PDE4D: variants seen among roughly 807,000 people sequenced by gnomAD.
PDE4D encodes the protein phosphodiesterase 4D.
Under a neutral mutation model 87.4 loss-of-function variants are expected in PDE4D, and 24 were observed. That is an observed-to-expected ratio of 0.27 (90% CI 0.20 to 0.39). The LOEUF is 0.39. Ranked by LOEUF, PDE4D falls within the 10% of genes least tolerant of loss-of-function variation. PDE4D has a pLI of 1.00. For missense variants in PDE4D, 714 were observed against 1,041.0 expected (o/e 0.69, Z 4.32); for synonymous variants, 384 against 383.2 (o/e 1.00, Z -0.02).
chr5:59,393,710 G>A (rs1364662183), intron 1 of PDE4D, among the ~76,000 whole-genome samples: 1 of 152,142 alleles, frequency 6.6e-6, no homozygotes, highest in Admixed American at 6.5e-5. Flanking sequence ...TGGTTTTTAG[G>A]ACAATAATTT....
intron 1 of PDE4D, among the ~76,000 whole-genome samples, chr5:60,361,867 C>T (rs1362949034): frequency 2.0e-5 from 3 of 152,104 alleles, no homozygotes; most frequent in African/African-American, 7.2e-5. Context: ...TCTTAGTCCA[C>T]AGTAATTGAT....
At chr5:60,149,888 A>G (rs1781347774) in intron 2 of PDE4D, among the ~76,000 whole-genome samples, 1 of 147,502 alleles carries the variant, frequency 6.8e-6, no homozygotes, top group South Asian at 2.1e-4. Context: ...TATAACAAGT[A>G]CATATTATAT....
chr5:59,512,364 G>A (rs897345634), intron 1 of PDE4D, among the ~76,000 whole-genome samples: 1 of 152,116 alleles, frequency 6.6e-6, no homozygotes, highest in Non-Finnish European at 1.5e-5. Context: ...CATGTCTAAT[G>A]CAGAATCACT....
intron 3 of PDE4D, among the ~76,000 whole-genome samples, chr5:59,981,333 A>C (rs1761912670): frequency 6.6e-6 from 1 of 152,216 alleles, no homozygotes; most frequent in African/African-American, 2.4e-5. Flanking sequence ...ATTAAATCAG[A>C]ACAATGCTTT....
chr5:59,962,776 T>C (rs1021197698), intron 3 of PDE4D, among the ~76,000 whole-genome samples: 1 of 152,192 alleles, frequency 6.6e-6, no homozygotes, highest in Admixed American at 6.5e-5. Context: ...AATGTTATGA[T>C]TTATAATATT....
chr5:59,630,312 T>C (rs1831402622), intron 1 of PDE4D, among the ~76,000 whole-genome samples: 2 of 152,204 alleles, frequency 1.3e-5, no homozygotes, highest in Admixed American at 1.3e-4. Flanking sequence ...GTATTTTACG[T>C]GTCCAGCCTG....
chr5:59,455,576 T>C (rs999705647), intron 1 of PDE4D, among the ~76,000 whole-genome samples: 2 of 152,054 alleles, frequency 1.3e-5, no homozygotes, highest in Admixed American at 6.5e-5. Context: ...AAATGTGGGG[T>C]TGGAGCCCCC....
intron 1 of PDE4D, among the ~76,000 whole-genome samples, chr5:59,357,302 A>T (rs1476738548): frequency 6.6e-6 from 1 of 152,230 alleles, no homozygotes; most frequent in Non-Finnish European, 1.5e-5. Context: ...AAAAATTTTA[A>T]AAAATACATG....
At chr5:59,626,190 T>C (rs1319901840) in intron 1 of PDE4D, among the ~76,000 whole-genome samples, 1 of 152,226 alleles carries the variant, frequency 6.6e-6, no homozygotes, top group African/African-American at 2.4e-5. Context: ...AAAATAACAG[T>C]TGGCCTCTGA....
chr5:59,140,054 G>C (rs1314959381), intron 5 of PDE4D, among the ~76,000 whole-genome samples: 23 of 152,202 alleles, frequency 1.5e-4, no homozygotes, highest in Non-Finnish European at 3.4e-4. Flanking sequence ...CCACCTAAGA[G>C]AGGAGTAGGA....
chr5:59,406,794 G>T (rs1791745878), intron 1 of PDE4D, among the ~76,000 whole-genome samples: 1 of 151,982 alleles, frequency 6.6e-6, no homozygotes, highest in Non-Finnish European at 1.5e-5. Context: ...GTATCCTTTT[G>T]TTTCATTAAT....
At chr5:60,254,026 GT>G (rs1026124042) in intron 1 of PDE4D, among the ~76,000 whole-genome samples, 1 of 151,930 alleles carries the variant, frequency 6.6e-6, no homozygotes, top group African/African-American at 2.4e-5. Context: ...TTAGAAGAGA[GT>G]ATCTTAGATA....
chr5:59,031,382 TATATATATATTA>T (rs1207699542), intron 6 of PDE4D, among the ~76,000 whole-genome samples: 11,234 of 37,334 alleles, frequency 0.3, 589 homozygotes, highest in South Asian at 0.35. Flanking sequence ...TATATATATA[TATATATATATTA>T]TATATATATA....
At chr5:59,907,665 T>G (rs1752987439) in intron 3 of PDE4D, among the ~76,000 whole-genome samples, 3 of 152,116 alleles carry the variant, frequency 2.0e-5, no homozygotes, top group South Asian at 4.1e-4. Context: ...AATAACATTC[T>G]CTCTGCGTTT....
chr5:59,283,689 T>C (rs1766289590), intron 1 of PDE4D, among the ~76,000 whole-genome samples: 1 of 152,152 alleles, frequency 6.6e-6, no homozygotes, highest in African/African-American at 2.4e-5. Flanking sequence ...CTAAGTATAT[T>C]TCCTACTCTG....
intron 1 of PDE4D, among the ~76,000 whole-genome samples, chr5:60,264,046 G>A (rs936004751): frequency 6.6e-6 from 1 of 151,488 alleles, no homozygotes; most frequent in Non-Finnish European, 1.5e-5. Context: ...TTCTGAAAAG[G>A]AGACAAAAAG....
At chr5:59,136,929 C>T (rs1357072388) in intron 5 of PDE4D, among the ~76,000 whole-genome samples, 1 of 152,182 alleles carries the variant, frequency 6.6e-6, no homozygotes, top group Non-Finnish European at 1.5e-5. Context: ...GGGTGACCAA[C>T]TTGTCCTAAT....
At chr5:60,345,807 A>C (rs1561145332) in intron 1 of PDE4D, among the ~76,000 whole-genome samples, 1 of 152,136 alleles carries the variant, frequency 6.6e-6, no homozygotes, top group Non-Finnish European at 1.5e-5. Context: ...TTCCTAAAAT[A>C]GGATAAATTT....
At chr5:59,352,426 G>A (rs1479733699) in intron 1 of PDE4D, among the ~76,000 whole-genome samples, 4 of 152,152 alleles carry the variant, frequency 2.6e-5, no homozygotes, top group Non-Finnish European at 5.9e-5. Context: ...TATGCAGAAA[G>A]TTACATCCCA....
Sources: gnomAD v4.1 joint callset for allele counts (sites outside exome capture counted in the v4.1 genomes callset) on GRCh38, gnomAD v4.1.1 for gene constraint, MANE v1.5 for transcripts, NCBI Gene and HGNC (gene_info 2026-07-23, HGNC 2026-07-21) for gene names.